Variants in FBXO34 observed in about 807,000 individuals in gnomAD.
FBXO34 encodes the protein F-box protein 34, also known as F-box only protein 34.
FBXO34 carries 12 observed loss-of-function variants against 24.5 expected under a neutral mutation model. That is an observed-to-expected ratio of 0.49 (90% CI 0.31 to 0.79). FBXO34 has a LOEUF of 0.79. Among genes scored for constraint, FBXO34 ranks in the 30% least tolerant of loss-of-function variants. The pLI is 0.04. For missense variants in FBXO34, 823 were observed against 857.7 expected, an observed-to-expected ratio of 0.96 and a Z score of 0.51; for synonymous variants, 320 against 311.9, an observed-to-expected ratio of 1.03 and a Z score of -0.27.
the FBXO34 span, chr14:55,385,825 C>T: frequency 3.3e-6 from 5 of 1,518,882 alleles, no homozygotes; most frequent in African/African-American, 7.0e-5. Flanking sequence ...GGAACTTGAT[C>T]TATTCCTGGA....
chr14:55,306,918 T>C (rs1882568053), intron 1 of FBXO34, among the ~76,000 whole-genome samples: 1 of 152,196 alleles, frequency 6.6e-6, no homozygotes, highest in Non-Finnish European at 1.5e-5. Flanking sequence ...TTTCAAATAA[T>C]AAAAATTTTT....
intron 1 of FBXO34, among the ~76,000 whole-genome samples, chr14:55,288,147 T>C (rs888246116): frequency 1.3e-5 from 2 of 152,250 alleles, no homozygotes; most frequent in African/African-American, 2.4e-5. Flanking sequence ...AAGAAGTTGC[T>C]TGTAATTGGT....
intron 1 of FBXO34, among the ~76,000 whole-genome samples, chr14:55,319,393 A>G (rs1473864383): frequency 6.6e-6 from 1 of 152,218 alleles, no homozygotes; most frequent in East Asian, 1.9e-4. Flanking sequence ...GCCAAATTTT[A>G]TTAAGCATTT....
At chr14:55,436,856 C>A in the FBXO34 span, 1 of 1,614,176 alleles carries the variant, frequency 6.2e-7, no homozygotes, top group Middle Eastern at 1.6e-4. Context: ...TGGGTAACTT[C>A]ATCTGGTAGG....
At chr14:55,278,092 G>A (rs10146637) in intron 1 of FBXO34, among the ~76,000 whole-genome samples, 45,042 of 151,780 alleles carry the variant, frequency 0.3, 7,053 homozygotes, top group Non-Finnish European at 0.33. Flanking sequence ...TAACTTCCTT[G>A]GGTAGGACTG....
chr14:55,352,542 C>A lies in FBXO34; in HGVS notation c.*16C>A. On this transcript the variant is annotated 3_prime_UTR_variant, in exon 2 of 2. Coordinates refer to ENST00000313833, the MANE Select transcript of FBXO34 (RefSeq NM_017943.4). The stretch of plus-strand genomic sequence containing the variant: ...GGAATACTAAAGTCCATGTGAGAGG[C>A]AACAAAAGGACCGGTTTCTAAAGCT... 6.4e-7 allele frequency: 1 copy of A among 1,570,928 alleles called. No homozygotes were observed.
At chr14:55,341,730 T>C (rs1487007269) in intron 1 of FBXO34, among the ~76,000 whole-genome samples, 1 of 152,206 alleles carries the variant, frequency 6.6e-6, no homozygotes, top group East Asian at 1.9e-4. Context: ...ACTGGTAGGC[T>C]TTTCATTTGC....
chr14:55,363,685 C>G (rs1313877370), downstream of FBXO34, among the ~76,000 whole-genome samples: 1 of 152,070 alleles, frequency 6.6e-6, no homozygotes, highest in Non-Finnish European at 1.5e-5. Flanking sequence ...TGCATGCGGC[C>G]CAGGATGGCT....
At chr14:55,324,752 C>T (rs1431125708) in intron 1 of FBXO34, among the ~76,000 whole-genome samples, 1 of 152,130 alleles carries the variant, frequency 6.6e-6, no homozygotes, top group African/African-American at 2.4e-5. Flanking sequence ...AAGTTTTCCT[C>T]TATCCCTAGT....
the FBXO34 span, among the ~76,000 whole-genome samples, chr14:55,409,561 T>TAA: frequency 1.4e-5 from 2 of 147,038 alleles, no homozygotes; most frequent in South Asian, 2.1e-4. Flanking sequence ...AGCAGGCACC[T>TAA]AAAAAAAAAA....
chr14:55,404,479 A>C, the FBXO34 span, among the ~76,000 whole-genome samples: 7 of 152,258 alleles, frequency 4.6e-5, no homozygotes, highest in Non-Finnish European at 8.8e-5. Context: ...AGCAACAGGA[A>C]GTGGCAAATC....
chr14:55,355,589 C>T (rs566661784), downstream of FBXO34, among the ~76,000 whole-genome samples: 17 of 152,158 alleles, frequency 1.1e-4, 1 homozygote, highest in South Asian at 3.5e-3. Context: ...CAACTGTTTA[C>T]ATTAGGTATT....
intron 1 of FBXO34, among the ~76,000 whole-genome samples, chr14:55,294,387 A>G (rs1882050530): frequency 6.6e-6 from 1 of 152,052 alleles, no homozygotes; most frequent in African/African-American, 2.4e-5. Flanking sequence ...TCCCAAGTTC[A>G]AGTGATCCTC....
At chr14:55,302,446 CTTTTTTGT>C (rs1444441930) in intron 1 of FBXO34, among the ~76,000 whole-genome samples, 3 of 129,660 alleles carry the variant, frequency 2.3e-5, no homozygotes, top group Non-Finnish European at 4.9e-5. Flanking sequence ...TCTGTAGCCT[CTTTTTTGT>C]TTTTTTTTTT....
At chr14:55,356,865 C>T (rs1033260181), downstream of FBXO34, among the ~76,000 whole-genome samples, 6 of 152,152 alleles carry the variant, frequency 3.9e-5, no homozygotes, top group African/African-American at 1.4e-4. Context: ...TCTCCTGCCT[C>T]AGTCTTCCGA....
chr14:55,362,167 G>T (rs1346724413), downstream of FBXO34, among the ~76,000 whole-genome samples: 2 of 152,142 alleles, frequency 1.3e-5, no homozygotes, highest in Non-Finnish European at 2.9e-5. Flanking sequence ...TAATTGGCCC[G>T]ATTTCAATAT....
At chr14:55,306,705 C>T (rs1882558024) in intron 1 of FBXO34, among the ~76,000 whole-genome samples, 1 of 152,132 alleles carries the variant, frequency 6.6e-6, no homozygotes, top group South Asian at 2.1e-4. Context: ...TGGTGGCACA[C>T]GCCTGTAATC....
chr14:55,281,773 G>A (rs981999749), intron 1 of FBXO34, among the ~76,000 whole-genome samples: 1 of 152,084 alleles, frequency 6.6e-6, no homozygotes, highest in African/African-American at 2.4e-5. Flanking sequence ...GCATTTCATT[G>A]TATACTGTTG....
At chr14:55,345,116 G>C (rs1460056671) in intron 1 of FBXO34, among the ~76,000 whole-genome samples, 1 of 152,046 alleles carries the variant, frequency 6.6e-6, no homozygotes, top group African/African-American at 2.4e-5. Context: ...GGGGTCAAAT[G>C]ATGACCCCAA....
Sources: allele counts gnomAD v4.1 joint callset (sites outside exome capture counted in the v4.1 genomes callset), GRCh38; gene constraint gnomAD v4.1.1; transcripts MANE v1.5; gene names NCBI Gene and HGNC (gene_info 2026-07-23, HGNC 2026-07-21).